Variants in CNNM1 observed in about 807,000 individuals in gnomAD.
The protein encoded by CNNM1 is cyclin and CBS domain divalent metal cation transport mediator 1.
CNNM1 carries 44 observed loss-of-function variants against 78.8 expected under a neutral mutation model. That is an observed-to-expected ratio of 0.56 (90% CI 0.44 to 0.72). The LOEUF is 0.72. CNNM1 is among the 30% of genes least tolerant of loss of function. The probability of loss-of-function intolerance (pLI) is 0.00; values close to 1 mark genes in which losing one functional copy is unlikely to be tolerated. For synonymous variants in CNNM1, 584 were observed against 581.5 expected (o/e 1.00, Z -0.06); for missense variants, 1,101 against 1,292.2 (o/e 0.85, Z 2.27).
At chr10:99,381,731 G>A (rs755610719) in intron 7 of CNNM1, among the ~76,000 whole-genome samples, 81 of 146,606 alleles carry the variant, frequency 5.5e-4, no homozygotes, top group Admixed American at 9.5e-4. Flanking sequence ...CGACAAGAGC[G>A]AAACTCCGTC....
At chr10:99,362,042 G>A (rs1445922091) in intron 3 of CNNM1, among the ~76,000 whole-genome samples, 185 bp from the exon 4 acceptor site, 1 of 152,208 alleles carries the variant, frequency 6.6e-6, no homozygotes, top group Non-Finnish European at 1.5e-5. Flanking sequence ...GTAAGGCCCT[G>A]AGATGCACAC....
At chr10:99,331,154 C>G (rs577611512) in intron 1 of CNNM1, among the ~76,000 whole-genome samples, 194 bp downstream of exon 1, 1 of 152,248 alleles carries the variant, frequency 6.6e-6, no homozygotes, top group Non-Finnish European at 1.5e-5. Context: ...TGATTGAGCC[C>G]CAGGCCTCTT....
chr10:99,362,361 A>G lies in CNNM1; in HGVS notation c.1993A>G (p.Asn665Asp), dbSNP rs906860804. Reference sequence around the variant, plus strand: ...CCCGGAACACTACCTCTACCAGCGCAACCGCCCTGTGGACTACTTTGTGCT... The same window carrying G: ...CCCGGAACACTACCTCTACCAGCGCGACCGCCCTGTGGACTACTTTGTGCT... ...KAPEHYLYQR[N>D]RPVDYFVLLL... The change falls in exon 4 of 11, where the codon AAC becomes GAC. Residue 665 changes from asparagine to aspartate, a missense_variant. Physicochemically the swap from Asn to Asp is conservative, Grantham distance 23 (BLOSUM62 1). Transcript: ENST00000356713. The G allele has an allele frequency of 2.5e-6, 4 of 1,613,944 alleles. No individual in the cohort carries two copies. The Admixed American group carries it at 5.0e-5, about 20-fold the overall frequency.
intron 7 of CNNM1, among the ~76,000 whole-genome samples, chr10:99,385,971 G>C (rs2032292104): frequency 6.6e-6 from 1 of 152,194 alleles, no homozygotes; most frequent in African/African-American, 2.4e-5. Flanking sequence ...TGGTGTTAGA[G>C]CCAAATTTCC....
At chr10:99,374,676 G>A (rs1564956281) in intron 6 of CNNM1, among the ~76,000 whole-genome samples, 1 of 152,162 alleles carries the variant, frequency 6.6e-6, no homozygotes, top group Non-Finnish European at 1.5e-5. Flanking sequence ...AACAAATTTA[G>A]ATTATAAACT....
At chr10:99,372,345 C>T (rs2031829299) in intron 6 of CNNM1, among the ~76,000 whole-genome samples, 1 of 152,214 alleles carries the variant, frequency 6.6e-6, no homozygotes, top group Admixed American at 6.5e-5. Context: ...GCCACAATTT[C>T]ACAGAGCAGA....
At position 99,393,817 on chromosome 10, in the gene CNNM1, A is replaced by G. The variant is rs995593569; in HGVS notation, c.*2301A>G. Reference sequence around the variant, plus strand: ...AGGGCCACAGCGTGTGGAAGTAAAGACTTTGGAGCTAGAGAAGCCTTTTCC... The same window carrying G: ...AGGGCCACAGCGTGTGGAAGTAAAGGCTTTGGAGCTAGAGAAGCCTTTTCC... On this transcript the variant is annotated 3_prime_UTR_variant, in exon 11 of 11. Transcript: ENST00000356713. 6.6e-6 allele frequency: 1 copy of G among 152,276 alleles called. No homozygotes were observed. Among genetic ancestry groups the G allele is most frequent in the Non-Finnish European group, 1.5e-5 (1 of 68,120 alleles). The allele number at this position is 152,276 out of a possible 1,614,324, so 9.4% of individuals were successfully genotyped here.
intron 7 of CNNM1, among the ~76,000 whole-genome samples, chr10:99,382,941 T>A (rs554523647): frequency 1.3e-5 from 2 of 152,318 alleles, no homozygotes; most frequent in South Asian, 4.1e-4. Context: ...GGCCACTCTA[T>A]AAGAGAAGAC....
chr10:99,386,481 A>G (rs1490799871), intron 7 of CNNM1, among the ~76,000 whole-genome samples: 1 of 152,154 alleles, frequency 6.6e-6, no homozygotes, highest in Non-Finnish European at 1.5e-5. Flanking sequence ...CTATTTGCCC[A>G]CTCAAATGGG....
intron 4 of CNNM1, among the ~76,000 whole-genome samples, chr10:99,362,918 T>C (rs1051619298): frequency 2.0e-5 from 3 of 152,064 alleles, no homozygotes; most frequent in African/African-American, 7.2e-5. Context: ...TGAAATCTTC[T>C]CCCCCTTCAG....
In CNNM1 at chr10:99,329,781, C is replaced by T; in HGVS notation, c.394C>T (p.Arg132Cys). Residue 132 changes from arginine to cysteine, a missense_variant, in exon 1 of 11, where the codon CGC becomes TGC. Arg to Cys is a radical substitution (Grantham distance 180). Coordinates refer to ENST00000356713, the MANE Select transcript of CNNM1 (RefSeq NM_020348.3). ...CCCCACTCGCCCCCCGGGACCGCAG[C>T]GCTGCAGGGAGCAGAGCGACTGGGC... is the stretch of plus-strand genomic sequence containing the variant. ...AVPTRPPGPQ[R>C]CREQSDWASD... 6.7e-7 allele frequency: 1 copy of T among 1,491,130 alleles called. No homozygotes were observed. Among genetic ancestry groups the T allele is most frequent in the Non-Finnish European group, 8.9e-7 (1 of 1,128,162 alleles). 92.4% of individuals were successfully genotyped at this position (1,491,130 alleles called of 1,614,324 possible).
rs1373138613 is a variant in CNNM1, at chr10:99,393,242, CCATTGAGT to C, written c.*1731_*1738del. ...AACCCTCCCTCCCACCTCCCCACAC[CCATTGAGT>C]CATTCACAGGCAGGAGGGAGACTGA... On this transcript the variant is annotated 3_prime_UTR_variant, in exon 11 of 11. Coordinates refer to ENST00000356713, the MANE Select transcript of CNNM1 (RefSeq NM_020348.3). 3 of 152,532 alleles carry C rather than the reference CCATTGAGT, an allele frequency of 2.0e-5. No homozygotes were observed. Among genetic ancestry groups the C allele is most frequent in the African/African-American group, 7.2e-5 (3 of 41,390 alleles). The allele number at this position is 152,532 out of a possible 1,614,324, so 9.4% of individuals were successfully genotyped here. A position where few individuals can be genotyped will look rare whatever the true frequency, so the allele number is the denominator to read the frequency against.
chr10:99,346,268 A>T (rs1589890832), intron 1 of CNNM1, among the ~76,000 whole-genome samples: 1 of 152,214 alleles, frequency 6.6e-6, no homozygotes, highest in African/African-American at 2.4e-5. Flanking sequence ...ATATTGGTGC[A>T]GTTGTCCAAG....
intron 9 of CNNM1, among the ~76,000 whole-genome samples, chr10:99,390,084 C>A (rs2032428364): frequency 6.6e-6 from 1 of 152,186 alleles, no homozygotes; most frequent in African/African-American, 2.4e-5. Context: ...GATTCCGGCT[C>A]CTGTTCTCCA....
At chr10:99,374,253 G>A (rs1472325265) in intron 6 of CNNM1, among the ~76,000 whole-genome samples, 1 of 152,160 alleles carries the variant, frequency 6.6e-6, no homozygotes, top group Non-Finnish European at 1.5e-5. Context: ...TACCATCACT[G>A]TCCCTGTCCC....
At chr10:99,345,857 A>AGG (rs1564941774) in intron 1 of CNNM1, among the ~76,000 whole-genome samples, 2 of 151,884 alleles carry the variant, frequency 1.3e-5, no homozygotes, top group African/African-American at 4.8e-5. Flanking sequence ...TATATTTTTT[A>AGG]ATTTAAAAAA....
intron 1 of CNNM1, among the ~76,000 whole-genome samples, chr10:99,355,445 G>A (rs1026029682): frequency 6.6e-6 from 1 of 152,128 alleles, no homozygotes; most frequent in Non-Finnish European, 1.5e-5. Flanking sequence ...TTTATAAAGG[G>A]TACTAATAAA....
chr10:99,390,454 TTAG>T, intron 10 of CNNM1, 47 bp downstream of exon 10: 1 of 1,370,110 alleles, frequency 7.3e-7, no homozygotes, highest in Non-Finnish European at 1.0e-6. Flanking sequence ...CTGCTGATGG[TTAG>T]TAGGAAAAGC....
chr10:99,356,554 C>CAGAAAGAA (rs1189884919), intron 1 of CNNM1, among the ~76,000 whole-genome samples: 505 of 44,446 alleles, frequency 0.011, 1 homozygote, highest in East Asian at 0.03. Context: ...GACAGACAGA[C>CAGAAAGAA]AGACAGACAG....
Sources: allele counts gnomAD v4.1 joint callset (sites outside exome capture counted in the v4.1 genomes callset), GRCh38; gene constraint gnomAD v4.1.1; transcripts MANE v1.5; gene names NCBI Gene and HGNC (gene_info 2026-07-23, HGNC 2026-07-21).